The following CCDC184 variants were observed in gnomAD, a reference collection of about 807,000 sequenced individuals.
The protein encoded by CCDC184 is coiled-coil domain-containing protein 184.
CCDC184 carries 11 observed loss-of-function variants against 10.4 expected under a neutral mutation model. The ratio of observed to expected loss-of-function variants is 1.06; its 90% CI spans 0.67 to 1.75. The LOEUF (loss-of-function observed/expected upper bound fraction) is 1.75. Ranked by LOEUF, CCDC184 falls within the 40% of genes most tolerant of loss-of-function variation. The pLI, the probability that CCDC184 is intolerant of heterozygous loss-of-function variation, is 0.00. For synonymous variants in CCDC184, 102 were observed against 116.1 expected (o/e 0.88, Z 0.78); for missense variants, 264 against 267.9 (o/e 0.99, Z 0.10).
Position 48,184,708 on chromosome 12 carries a change from G to C in CCDC184, c.*1G>C, listed in dbSNP as rs769369225. 6.3e-7 allele frequency: 1 copy of C among 1,594,888 alleles called. No homozygotes were observed. On this transcript the variant is annotated 3_prime_UTR_variant, in exon 1 of 1. Transcript: ENST00000316554. ...ACTGGAGGGCGAGGCCTCCCTGTGAGGGGACTCCGTGGGGCACTACCTTCC... is the reference window on the plus strand; with the variant it reads ...ACTGGAGGGCGAGGCCTCCCTGTGACGGGACTCCGTGGGGCACTACCTTCC...
At position 48,184,754 on chromosome 12, in the gene CCDC184, G is replaced by A. The variant is rs1951491474; in HGVS notation, c.*47G>A. On this transcript the variant is annotated 3_prime_UTR_variant, in exon 1 of 1. Coordinates refer to ENST00000316554, the MANE Select transcript of CCDC184 (RefSeq NM_001013635.4). ...CTTCCCGGGCTGTCTTTGGGTTTCCGAGTGCATGACGCGAGGGGGACTGAA... is the reference window on the plus strand; with the variant it reads ...CTTCCCGGGCTGTCTTTGGGTTTCCAAGTGCATGACGCGAGGGGGACTGAA... 4 of 1,473,696 alleles carry A rather than the reference G, an allele frequency of 2.7e-6. No individual in the cohort carries two copies. Among genetic ancestry groups the A allele is most frequent in the African/African-American group, 1.4e-5 (1 of 71,588 alleles). The allele number at this position is 1,473,696 out of a possible 1,614,324, so 91.3% of individuals were successfully genotyped here. A position where few individuals can be genotyped will look rare whatever the true frequency, so the allele number is the denominator to read the frequency against.
At position 48,184,758 on chromosome 12, in the gene CCDC184, G is replaced by A. The variant is rs758565426; in HGVS notation, c.*51G>A. ...CCGGGCTGTCTTTGGGTTTCCGAGT[G>A]CATGACGCGAGGGGGACTGAACGGC... is the stretch of plus-strand genomic sequence containing the variant. On this transcript the variant is annotated 3_prime_UTR_variant, in exon 1 of 1. Transcript: ENST00000316554. 2 of 1,447,978 alleles carry A rather than the reference G, an allele frequency of 1.4e-6. No homozygotes were observed. Among genetic ancestry groups the A allele is most frequent in the Non-Finnish European group, 1.9e-6 (2 of 1,062,636 alleles). The allele number at this position is 1,447,978 out of a possible 1,614,324, so 89.7% of individuals were successfully genotyped here.
rs1400445712 is a variant in CCDC184, at chr12:48,185,241, G to C, written c.*534G>C. The C allele has an allele frequency of 6.0e-6, 1 of 167,366 alleles. No homozygotes were observed. Among genetic ancestry groups the C allele is most frequent in the Non-Finnish European group, 1.5e-5 (1 of 68,354 alleles). 10.4% of individuals were successfully genotyped at this position (167,366 alleles called of 1,614,324 possible). A position where few individuals can be genotyped will look rare whatever the true frequency, so the allele number is the denominator to read the frequency against. Reference sequence around the variant, plus strand: ...CTGCGGCTGCTGATTGGTAAAGGAAGCTTGAGGAGGGAACTGCAGCCCTAG... The same window carrying C: ...CTGCGGCTGCTGATTGGTAAAGGAACCTTGAGGAGGGAACTGCAGCCCTAG... On this transcript the variant is annotated 3_prime_UTR_variant, in exon 1 of 1. Transcript: ENST00000316554.
Position 48,184,742 on chromosome 12 carries a change from CTT to C in CCDC184, c.*37_*38del. 6.5e-7 allele frequency: 1 copy of C among 1,529,724 alleles called. No homozygotes were observed. Among genetic ancestry groups the C allele is most frequent in the Non-Finnish European group, 8.9e-7 (1 of 1,128,694 alleles). The allele number at this position is 1,529,724 out of a possible 1,614,324, so 94.8% of individuals were successfully genotyped here. On this transcript the variant is annotated 3_prime_UTR_variant, in exon 1 of 1. Transcript: ENST00000316554. ...GTGGGGCACTACCTTCCCGGGCTGTCTTTGGGTTTCCGAGTGCATGACGCGAG... is the reference window on the plus strand; with the variant it reads ...GTGGGGCACTACCTTCCCGGGCTGTCTGGGTTTCCGAGTGCATGACGCGAG...
At position 48,184,389 on chromosome 12, in the gene CCDC184, G is replaced by T; in HGVS notation, c.267G>T (p.Met89Ile). The change falls in exon 1 of 1, where the codon ATG (methionine) becomes ATT (isoleucine). Residue 89 changes from methionine (M) to isoleucine (I), a missense_variant. Met to Ile is a conservative substitution (Grantham distance 10). Transcript: ENST00000316554. ...VCANQRAIVS[M>I]CQIMTTAPRQ... ...CCAACCAGCGAGCCATCGTCTCCAT[G>T]TGCCAGATTATGACCACTGCGCCCC... 1.9e-6 allele frequency: 3 copies of T among 1,613,546 alleles called. No individual in the cohort carries two copies. Among genetic ancestry groups the T allele is most frequent in the Non-Finnish European group, 2.5e-6 (3 of 1,179,998 alleles).
rs778649183 is a variant in CCDC184, at chr12:48,184,076, CG to C, written c.-44del. ...CCACCCCCTCCCCCACCCCGGAGGC[CG>C]GGCTGGACGCGACCCAGAGCCTCCG... On this transcript the variant is annotated 5_prime_UTR_variant, in exon 1 of 1. Coordinates refer to ENST00000316554, the MANE Select transcript of CCDC184 (RefSeq NM_001013635.4). 7 of 1,474,640 alleles carry C rather than the reference CG, an allele frequency of 4.7e-6. No individual in the cohort carries two copies. The African/African-American group carries it at 9.7e-5, about 21-fold the overall frequency. 91.3% of individuals were successfully genotyped at this position (1,474,640 alleles called of 1,614,324 possible). A position where few individuals can be genotyped will look rare whatever the true frequency, so the allele number is the denominator to read the frequency against.
rs779911370 is a variant in CCDC184, at chr12:48,184,178, C to G, written c.56C>G (p.Pro19Arg). ...AAGGACGGCGGCGACATGCCGGCGC[C>G]CCTGGAGGTGTCCACCGTGCCGGCA... ...MTKDGGDMPA[P>R]LEVSTVPAVG... Residue 19 changes from proline to arginine, a missense_variant, in exon 1 of 1, where the codon CCC becomes CGC. Transcript: ENST00000316554. 1.4e-5 allele frequency: 22 copies of G among 1,613,942 alleles called. No individual in the cohort carries two copies. The highest frequency in any genetic ancestry group is 1.8e-5 in the Non-Finnish European group (21 of 1,180,024).
rs1951482296 is a variant in CCDC184 at position 48,183,809 on chromosome 12, G to C, written c.-314G>C. 2 of 353,270 alleles carry C rather than the reference G, an allele frequency of 5.7e-6. No homozygotes were observed. Among genetic ancestry groups the C allele is most frequent in the South Asian group, 1.3e-4 (2 of 15,756 alleles). The allele number at this position is 353,270 out of a possible 1,614,324, so 21.9% of individuals were successfully genotyped here. A position where few individuals can be genotyped will look rare whatever the true frequency, so the allele number is the denominator to read the frequency against. On this transcript the variant is annotated 5_prime_UTR_variant, in exon 1 of 1. Coordinates refer to ENST00000316554, the MANE Select transcript of CCDC184 (RefSeq NM_001013635.4). ...CTCTGCTTGTGGCGCCCAGAGGGCG[G>C]CGCTGACACGGGCGCGATCCGGGAG...
rs567847443 is a variant in CCDC184 at position 48,183,931 on chromosome 12, C to A, written c.-192C>A. ...CCTCGTCCCGCAGCCTCTTCTCGGC[C>A]TCCCGCGATCCTGCCTGCGCCCTCT... On this transcript the variant is annotated 5_prime_UTR_variant, in exon 1 of 1. Coordinates refer to ENST00000316554, the MANE Select transcript of CCDC184 (RefSeq NM_001013635.4). The A allele has an allele frequency of 7.5e-5, 43 of 572,878 alleles. No homozygotes were observed. In the African/African-American group the frequency reaches 7.8e-4, roughly 10 times the overall value. The allele number at this position is 572,878 out of a possible 1,614,324, so 35.5% of individuals were successfully genotyped here. A position where few individuals can be genotyped will look rare whatever the true frequency, so the allele number is the denominator to read the frequency against.
At position 48,184,042 on chromosome 12, in the gene CCDC184, T is replaced by A; in HGVS notation, c.-81T>A. On this transcript the variant is annotated 5_prime_UTR_variant, in exon 1 of 1. Transcript: ENST00000316554. ...GCTCCCGCTAGCCCCTCCCGGGACC[T>A]CTCCCCCTCCACCCCCTCCCCCACC... The A allele has an allele frequency of 1.4e-4, 81 of 578,536 alleles. No individual in the cohort carries two copies. Among genetic ancestry groups the A allele is most frequent in the East Asian group, 2.2e-4 (5 of 22,736 alleles). 35.8% of individuals were successfully genotyped at this position (578,536 alleles called of 1,614,324 possible). A position where few individuals can be genotyped will look rare whatever the true frequency, so the allele number is the denominator to read the frequency against.
rs554602163 is a variant in CCDC184 at position 48,185,464 on chromosome 12, G to T, written c.*757G>T. The T allele has an allele frequency of 5.1e-4, 85 of 167,214 alleles. No individual in the cohort carries two copies. In the Middle Eastern group the frequency reaches 0.01, roughly 20 times the overall value. 10.4% of individuals were successfully genotyped at this position (167,214 alleles called of 1,614,324 possible). On this transcript the variant is annotated 3_prime_UTR_variant, in exon 1 of 1. Coordinates refer to ENST00000316554, the MANE Select transcript of CCDC184 (RefSeq NM_001013635.4). ...AGCCCGGTTCACAGGCAGAGACTCG[G>T]GGGTGCTCAGCAGCAGCCCAGATTT... is the stretch of plus-strand genomic sequence containing the variant.
chr12:48,183,764 C>T lies in CCDC184; in HGVS notation c.-359C>T. On this transcript the variant is annotated 5_prime_UTR_variant, in exon 1 of 1. Transcript: ENST00000316554. ...ACCCCTCCGCGAGCGCGTCTGTGAC[C>T]CACGGAACCGGCAGGCGCTCTCTGC... The T allele has an allele frequency of 4.0e-6, 1 of 249,452 alleles. No homozygotes were observed. Among genetic ancestry groups the T allele is most frequent in the Admixed American group, 5.1e-5 (1 of 19,774 alleles). The allele number at this position is 249,452 out of a possible 1,614,324, so 15.5% of individuals were successfully genotyped here.
Position 48,184,939 on chromosome 12 carries a change from T to A in CCDC184, c.*232T>A. ...ATAGCGAACTGCGGAAAGGTGAGGC[T>A]CCGGGAGAGGAAGCGCCCATCTCTG... On this transcript the variant is annotated 3_prime_UTR_variant, in exon 1 of 1. Transcript: ENST00000316554. The A allele has an allele frequency of 5.8e-6, 3 of 516,114 alleles. No individual in the cohort carries two copies. The highest frequency in any genetic ancestry group is 1.1e-5 in the Non-Finnish European group (3 of 282,556). The allele number at this position is 516,114 out of a possible 1,614,324, so 32.0% of individuals were successfully genotyped here.
In CCDC184 at chr12:48,183,991, A is replaced by C; in HGVS notation, c.-132A>C. On this transcript the variant is annotated 5_prime_UTR_variant, in exon 1 of 1. Transcript: ENST00000316554. ...TCGTCTCTCACGTCGGCTCCCCGCC[A>C]GTCTCGGGAGCCTCCGCTTCCCTCG... The C allele has an allele frequency of 1.9e-5, 12 of 634,430 alleles. No homozygotes were observed. Among genetic ancestry groups the C allele is most frequent in the East Asian group, 8.4e-5 (3 of 35,506 alleles). The allele number at this position is 634,430 out of a possible 1,614,324, so 39.3% of individuals were successfully genotyped here. A position where few individuals can be genotyped will look rare whatever the true frequency, so the allele number is the denominator to read the frequency against.
At position 48,184,860 on chromosome 12, in the gene CCDC184, A is replaced by G; in HGVS notation, c.*153A>G. ...GAGACTCCCTCGAGGAAGGATTTGTAGGGTGAAGGACTTTGGGAGCATCGA... is the reference window on the plus strand; with the variant it reads ...GAGACTCCCTCGAGGAAGGATTTGTGGGGTGAAGGACTTTGGGAGCATCGA... On this transcript the variant is annotated 3_prime_UTR_variant, in exon 1 of 1. Coordinates refer to ENST00000316554, the MANE Select transcript of CCDC184 (RefSeq NM_001013635.4). 1.6e-6 allele frequency: 1 copy of G among 633,950 alleles called. No homozygotes were observed. The highest frequency in any genetic ancestry group is 2.8e-6 in the Non-Finnish European group (1 of 358,686). 39.3% of individuals were successfully genotyped at this position (633,950 alleles called of 1,614,324 possible).
chr12:48,184,306 AGG>A lies in CCDC184; in HGVS notation c.189_190del (p.Ala64ProfsTer94), dbSNP rs750406248. ...CCTGTTTGAGGACGTGAGGGCCATGAGGGGGGCCCTGGACGAGCAGGCCTCGC... is the reference window on the plus strand; with the variant it reads ...CCTGTTTGAGGACGTGAGGGCCATGAGGGGCCCTGGACGAGCAGGCCTCGC... ...QALFEDVRAM[R>X]GALDEQASHI... On this transcript the variant is annotated frameshift_variant, in exon 1 of 1. Transcript: ENST00000316554. LOFTEE classifies it high-confidence loss of function. 3 of 1,614,066 alleles carry A rather than the reference AGG, an allele frequency of 1.9e-6. No individual in the cohort carries two copies. The South Asian group carries it at 3.3e-5, about 18-fold the overall frequency.
chr12:48,183,958 C>A lies in CCDC184; in HGVS notation c.-165C>A, dbSNP rs1247680179. ...CCCGCGATCCTGCCTGCGCCCTCTG[C>A]CCAGGACTCGTCTCTCACGTCGGCT... On this transcript the variant is annotated 5_prime_UTR_variant, in exon 1 of 1. Transcript: ENST00000316554. 9.8e-6 allele frequency: 6 copies of A among 611,260 alleles called. No individual in the cohort carries two copies. Among genetic ancestry groups the A allele is most frequent in the Non-Finnish European group, 1.7e-5 (6 of 347,070 alleles). The allele number at this position is 611,260 out of a possible 1,614,324, so 37.9% of individuals were successfully genotyped here. A position where few individuals can be genotyped will look rare whatever the true frequency, so the allele number is the denominator to read the frequency against.
In CCDC184 at chr12:48,184,404, C is replaced by A. The variant is rs530335529; in HGVS notation, c.282C>A (p.Thr94=). ...RAIVSMCQIM[T]TAPRQGGLGV... ...TCGTCTCCATGTGCCAGATTATGAC[C>A]ACTGCGCCCCGCCAGGGCGGCTTGG... Residue 94 remains threonine (T), a synonymous_variant, in exon 1 of 1, where the codon ACC becomes ACA. Transcript: ENST00000316554. 1.2e-6 allele frequency: 2 copies of A among 1,612,720 alleles called. No individual in the cohort carries two copies. The highest frequency in any genetic ancestry group is 1.7e-6 in the Non-Finnish European group (2 of 1,179,970).
At position 48,184,625 on chromosome 12, in the gene CCDC184, T is replaced by C. The variant is rs777338661; in HGVS notation, c.503T>C (p.Leu168Pro). ...ERPESPCAGL[L>P]GGDGPLVEPL... ...CCCGAAAGCCCCTGTGCTGGTCTCC[T>C]TGGGGGGGACGGGCCACTTGTGGAG... Residue 168 changes from leucine to proline, a missense_variant, in exon 1 of 1, where the codon CTT becomes CCT. Physicochemically the swap from Leu to Pro is moderately conservative, Grantham distance 98. Coordinates refer to ENST00000316554, the MANE Select transcript of CCDC184 (RefSeq NM_001013635.4). 1.3e-6 allele frequency: 2 copies of C among 1,578,278 alleles called. No homozygotes were observed. The highest frequency in any genetic ancestry group is 1.8e-5 in the Admixed American group (1 of 54,278).
Sources: allele counts gnomAD v4.1 joint callset, GRCh38; gene constraint gnomAD v4.1.1; transcripts MANE v1.5; gene names NCBI Gene and HGNC (gene_info 2026-07-23, HGNC 2026-07-21).